The following KIFAP3 variants were observed in gnomAD, a reference collection of about 807,000 sequenced individuals.
The protein encoded by KIFAP3 is kinesin associated protein 3.
KIFAP3 carries 68 observed loss-of-function variants against 106.5 expected under a neutral mutation model. That is an observed-to-expected ratio of 0.64 (90% CI 0.53 to 0.78). The LOEUF (loss-of-function observed/expected upper bound fraction) is 0.78. KIFAP3 is among the 30% of genes least tolerant of loss of function. The pLI is 0.00. For synonymous variants in KIFAP3, 320 were observed against 311.5 expected (o/e 1.03, Z -0.29); for missense variants, 780 against 941.8 (o/e 0.83, Z 2.25).
Position 170,031,969 on chromosome 1 carries a change from T to C in KIFAP3, c.758A>G (p.Glu253Gly). 6.2e-7 allele frequency: 1 copy of C among 1,607,226 alleles called. No homozygotes were observed. The change falls in exon 8 of 20, where the codon GAA (glutamate) becomes GGA (glycine). Residue 253 changes from glutamate to glycine, a missense_variant. This residue lies in a region of KIFAP3 where 588 missense variants were observed against 678.9 expected (regional missense o/e 0.87). Coordinates refer to ENST00000361580, the MANE Select transcript of KIFAP3 (RefSeq NM_014970.4). Reference protein sequence around the residue: ...KKKKAVDEDPENQTLRKDYEK... With the variant: ...KKKKAVDEDPGNQTLRKDYEK... ...ATAATCCTTTCTCAAGGTTTGGTTTTCAGGGTCTTCATCAAGTAAACAACT... is the reference window on the plus strand; with the variant it reads ...ATAATCCTTTCTCAAGGTTTGGTTTCCAGGGTCTTCATCAAGTAAACAACT...
rs117635723 is a variant in KIFAP3, at chr1:169,928,619, C to T, written c.2274-6838G>A. On this transcript the variant is annotated intron_variant, in intron 19 of 19. Coordinates refer to ENST00000361580, the MANE Select transcript of KIFAP3 (RefSeq NM_014970.4). ...GTTTGAAGCAGGAGGATCACTTGAG[C>T]CCAGGAGGTTGAGGCTGCAGTGAGC... 9.5e-3 allele frequency among the ~76,000 whole-genome samples: 1,227 copies of T among 129,732 alleles called. 23 individuals carry two copies. The highest frequency in any genetic ancestry group is 0.09 in the South Asian group (365 of 4,070). The allele number at this position is 129,732 out of a possible 152,430, so 85.1% of individuals were successfully genotyped here.
At chr1:170,043,207 A>G (rs938075570) in intron 3 of KIFAP3, among the ~76,000 whole-genome samples, 27 of 152,202 alleles carry the variant, frequency 1.8e-4, no homozygotes, top group Non-Finnish European at 1.5e-4. Context: ...ATGGATTATA[A>G]GAGTAACTAA....
At chr1:169,927,817 T>A (rs964747614) in intron 19 of KIFAP3, among the ~76,000 whole-genome samples, 4 of 152,286 alleles carry the variant, frequency 2.6e-5, no homozygotes, top group East Asian at 3.9e-4. Flanking sequence ...TGGCAGGAGA[T>A]AAGGCTAGAA....
chr1:169,995,858 A>T (rs1667344243), intron 10 of KIFAP3, among the ~76,000 whole-genome samples: 1 of 152,120 alleles, frequency 6.6e-6, no homozygotes, highest in East Asian at 1.9e-4. Context: ...AAAATAAATA[A>T]AAGAATAACA....
intron 10 of KIFAP3, among the ~76,000 whole-genome samples, chr1:170,012,989 T>C (rs1183708176): frequency 1.3e-5 from 2 of 152,106 alleles, no homozygotes; most frequent in Non-Finnish European, 2.9e-5. Flanking sequence ...ATTATTACAA[T>C]TCAAGGTAAG....
intron 19 of KIFAP3, among the ~76,000 whole-genome samples, chr1:169,944,078 C>A (rs556778155): frequency 3.3e-5 from 5 of 152,170 alleles, no homozygotes; most frequent in Non-Finnish European, 7.3e-5. Flanking sequence ...GTATTGTTTG[C>A]GCCCGCTGGG....
At chr1:169,995,157 T>A (rs964609214) in intron 10 of KIFAP3, among the ~76,000 whole-genome samples, 1 of 152,152 alleles carries the variant, frequency 6.6e-6, no homozygotes, top group Non-Finnish European at 1.5e-5. Context: ...TTTATACTGT[T>A]GAAGGCACCA....
chr1:170,020,679 A>G (rs1029009954), intron 9 of KIFAP3, among the ~76,000 whole-genome samples: 1 of 152,062 alleles, frequency 6.6e-6, no homozygotes, highest in Non-Finnish European at 1.5e-5. Context: ...CTATCTCCTG[A>G]CCTCGTGATC....
chr1:169,944,228 G>A (rs1302351797), intron 19 of KIFAP3, among the ~76,000 whole-genome samples: 1 of 152,222 alleles, frequency 6.6e-6, no homozygotes, highest in Non-Finnish European at 1.5e-5. Flanking sequence ...ACCACGCACA[G>A]CAGGCATGCT....
At chr1:170,042,481 A>C (rs1670030174) in intron 3 of KIFAP3, among the ~76,000 whole-genome samples, 1 of 152,218 alleles carries the variant, frequency 6.6e-6, no homozygotes, top group Non-Finnish European at 1.5e-5. Context: ...TAGGAGAAAA[A>C]GATGTGTATG....
intron 10 of KIFAP3, among the ~76,000 whole-genome samples, chr1:170,010,793 G>A (rs1051110991): frequency 1.3e-5 from 2 of 151,556 alleles, no homozygotes; most frequent in African/African-American, 4.8e-5. Context: ...CTGTTGTGGG[G>A]GTCCCCAAAT....
At chr1:170,082,951 C>A (rs1672043571) in intron 1 of KIFAP3, among the ~76,000 whole-genome samples, 1 of 152,020 alleles carries the variant, frequency 6.6e-6, no homozygotes, top group South Asian at 2.1e-4. Flanking sequence ...CCAGCCTGGG[C>A]AACAGAGCAA....
At position 170,074,595 on chromosome 1, in the gene KIFAP3, G is replaced by A. The variant is rs1158187512; in HGVS notation, c.-128C>T. 20 of 1,542,404 alleles carry A rather than the reference G, an allele frequency of 1.3e-5. No individual in the cohort carries two copies. Among genetic ancestry groups the A allele is most frequent in the Non-Finnish European group, 1.8e-5 (20 of 1,142,380 alleles). On this transcript the variant is annotated 5_prime_UTR_variant, in exon 1 of 20. Coordinates refer to ENST00000361580, the MANE Select transcript of KIFAP3 (RefSeq NM_014970.4). ...ACAGTCCTGAGGCCTGCAAGGCGGG[G>A]CAGCAGCGGCGCTGTGGTTACCACG...
chr1:169,938,489 T>G (rs1296391643), intron 19 of KIFAP3, among the ~76,000 whole-genome samples: 1 of 152,042 alleles, frequency 6.6e-6, no homozygotes, highest in Admixed American at 6.6e-5. Flanking sequence ...AAAATTAAAA[T>G]TAAGAAATTA....
At chr1:170,035,681 C>G in intron 5 of KIFAP3, 128 bp from the exon 6 acceptor site, 3 of 539,530 alleles carry the variant, frequency 5.6e-6, no homozygotes, top group Non-Finnish European at 9.8e-6. Context: ...AAGTAGGATG[C>G]TTCTTTCCAA....
chr1:170,041,779 G>A, intron 3 of KIFAP3: 1 of 1,531,134 alleles, frequency 6.5e-7, no homozygotes, highest in South Asian at 1.2e-5. Flanking sequence ...GCCTTCTCCT[G>A]ATCTGTTGGC....
At chr1:169,939,069 G>T (rs927018702) in intron 19 of KIFAP3, among the ~76,000 whole-genome samples, 6 of 152,136 alleles carry the variant, frequency 3.9e-5, no homozygotes, top group Admixed American at 3.9e-4. Context: ...TTGAAGGCAC[G>T]TGAGAGACGT....
chr1:170,060,800 T>C (rs1671107762), intron 1 of KIFAP3, among the ~76,000 whole-genome samples: 1 of 152,182 alleles, frequency 6.6e-6, no homozygotes, highest in Non-Finnish European at 1.5e-5. Context: ...ATGTTACTGG[T>C]ACCAAAACTG....
intron 19 of KIFAP3, among the ~76,000 whole-genome samples, chr1:169,943,103 T>G (rs1320308889): frequency 6.6e-6 from 1 of 152,116 alleles, no homozygotes; most frequent in Non-Finnish European, 1.5e-5. Context: ...TCATCTACAA[T>G]CTGTATAATT....
Sources: allele counts gnomAD v4.1 joint callset (sites outside exome capture counted in the v4.1 genomes callset), GRCh38; gene constraint gnomAD v4.1.1; regional missense constraint gnomAD v4.1.1; transcripts MANE v1.5; gene names NCBI Gene and HGNC (gene_info 2026-07-23, HGNC 2026-07-21).